Variants in SV2C observed in about 807,000 individuals in gnomAD.
The protein encoded by SV2C is solute carrier family 22 member B3.
Under a neutral mutation model 79.7 loss-of-function variants are expected in SV2C, and 49 were observed. The observed-to-expected ratio is 0.61, with a 90% CI of 0.49 to 0.78. The LOEUF (loss-of-function observed/expected upper bound fraction) is 0.78, where lower values mean the gene tolerates loss of function less well. SV2C is among the 30% of genes least tolerant of loss of function. The pLI is 0.00. For missense variants in SV2C, 833 were observed against 912.9 expected, an observed-to-expected ratio of 0.91 and a Z score of 1.13; for synonymous variants, 334 against 333.2, an observed-to-expected ratio of 1.00 and a Z score of -0.03.
chr5:75,983,598 T>TAAA, the SV2C span, among the ~76,000 whole-genome samples: 1 of 144,244 alleles, frequency 6.9e-6, no homozygotes, highest in African/African-American at 2.6e-5. Context: ...GGGCCAGCTT[T>TAAA]AAAAAAAAAA....
At chr5:75,903,514 C>T in the SV2C span, among the ~76,000 whole-genome samples, 34 of 152,198 alleles carry the variant, frequency 2.2e-4, no homozygotes, top group African/African-American at 6.3e-4. Flanking sequence ...CCAGCCATCC[C>T]GAACTTTTCT....
At chr5:76,037,907 A>AGGACCC in the SV2C span, among the ~76,000 whole-genome samples, 2 of 152,234 alleles carry the variant, frequency 1.3e-5, no homozygotes, top group Non-Finnish European at 2.9e-5. Flanking sequence ...CCGTGGGCAT[A>AGGACCC]GGACCCTCCA....
rs1435286437 is a variant in SV2C, at chr5:76,326,796, G to C, written c.*1249G>C. The C allele has an allele frequency of 6.6e-6, 1 of 152,220 alleles. No individual in the cohort carries two copies. The highest frequency in any genetic ancestry group is 1.5e-5 in the Non-Finnish European group (1 of 68,104). The allele number at this position is 152,220 out of a possible 1,614,324, so 9.4% of individuals were successfully genotyped here. A position where few individuals can be genotyped will look rare whatever the true frequency, so the allele number is the denominator to read the frequency against. ...CTCATTTTACCTCTGGAATCTGCCT[G>C]GGCTTGGAAGAAAGAGGTCAGCCAG... On this transcript the variant is annotated 3_prime_UTR_variant, in exon 13 of 13. Coordinates refer to ENST00000502798, the MANE Select transcript of SV2C (RefSeq NM_014979.4).
At chr5:76,123,390 A>C (rs922565109) in intron 1 of SV2C, among the ~76,000 whole-genome samples, 2 of 152,258 alleles carry the variant, frequency 1.3e-5, no homozygotes, top group African/African-American at 4.8e-5. Flanking sequence ...GGCCAGCATC[A>C]TCCTGATACC....
At chr5:75,974,577 T>C in the SV2C span, among the ~76,000 whole-genome samples, 1 of 151,718 alleles carries the variant, frequency 6.6e-6, no homozygotes, top group Non-Finnish European at 1.5e-5. Context: ...TTTTACCTGA[T>C]TGATTTGTAG....
At chr5:76,030,266 GTTT>G in the SV2C span, among the ~76,000 whole-genome samples, 1 of 31,954 alleles carries the variant, frequency 3.1e-5, no homozygotes, top group Admixed American at 3.6e-4. Flanking sequence ...TCAGAGGCTT[GTTT>G]TTTTTTTTTT....
intron 4 of SV2C, among the ~76,000 whole-genome samples, chr5:76,255,852 G>T (rs1000825594): frequency 1.3e-5 from 2 of 152,116 alleles, no homozygotes; most frequent in African/African-American, 4.8e-5. Context: ...AGTTCTTCCT[G>T]CCTCTTCCTT....
At chr5:76,186,334 A>T (rs1451475469) in intron 2 of SV2C, among the ~76,000 whole-genome samples, 4 of 152,146 alleles carry the variant, frequency 2.6e-5, no homozygotes. Context: ...CCCAGTACCA[A>T]TTTAGTGTAT....
At chr5:76,031,724 G>T in the SV2C span, among the ~76,000 whole-genome samples, 62 of 152,242 alleles carry the variant, frequency 4.1e-4, no homozygotes, top group African/African-American at 1.4e-3. Context: ...TTTATTAAAG[G>T]ACAGAGTGAT....
intron 4 of SV2C, among the ~76,000 whole-genome samples, chr5:76,272,777 T>C (rs557246141): frequency 1.3e-5 from 2 of 152,324 alleles, no homozygotes; most frequent in South Asian, 4.1e-4. Context: ...CTACCCAATG[T>C]AAGAATTGCC....
At chr5:76,075,786 G>A in the SV2C span, 1 of 268,140 alleles carries the variant, frequency 3.7e-6, no homozygotes, top group East Asian at 1.1e-4. Flanking sequence ...AAAGGAAACT[G>A]GAAGTGTCAT....
chr5:76,107,861 AC>A (rs758138738), intron 1 of SV2C, among the ~76,000 whole-genome samples: 182 of 152,308 alleles, frequency 1.2e-3, no homozygotes, highest in Admixed American at 2.3e-3. Flanking sequence ...TCAAAAAAAA[AC>A]AAAAGCAAGT....
the SV2C span, among the ~76,000 whole-genome samples, chr5:75,895,978 A>G: frequency 6.6e-6 from 1 of 152,080 alleles, no homozygotes; most frequent in African/African-American, 2.4e-5. Context: ...TTTGCACTAT[A>G]TACACACATA....
intron 4 of SV2C, among the ~76,000 whole-genome samples, chr5:76,211,982 T>C (rs1744780913): frequency 6.6e-6 from 1 of 152,140 alleles, no homozygotes; most frequent in Admixed American, 6.5e-5. Flanking sequence ...GCTCAAGTGG[T>C]GGGTTTTTCA....
chr5:76,070,250 T>A, the SV2C span, among the ~76,000 whole-genome samples: 2 of 152,324 alleles, frequency 1.3e-5, no homozygotes, highest in South Asian at 4.1e-4. Context: ...TCTTTCCATT[T>A]GCTCCTTTTA....
At chr5:76,032,860 C>T in the SV2C span, among the ~76,000 whole-genome samples, 180 of 152,330 alleles carry the variant, frequency 1.2e-3, 2 homozygotes, top group Admixed American at 0.01. Context: ...TACAGTCCCA[C>T]CAACAGTATA....
chr5:76,041,309 C>T, the SV2C span, among the ~76,000 whole-genome samples: 1 of 152,222 alleles, frequency 6.6e-6, no homozygotes, highest in South Asian at 2.1e-4. Flanking sequence ...TCAGCTCCTT[C>T]TCTTCTCACC....
At chr5:76,048,994 A>AGAAAGAAAGAAAG in the SV2C span, among the ~76,000 whole-genome samples, 1 of 96,084 alleles carries the variant, frequency 1.0e-5, no homozygotes, top group Non-Finnish European at 2.2e-5. Context: ...AAAGAAAGAA[A>AGAAAGAAAGAAAG]GAAAGAAAGA....
At chr5:76,282,956 G>A (rs1415934620) in intron 4 of SV2C, among the ~76,000 whole-genome samples, 1 of 152,176 alleles carries the variant, frequency 6.6e-6, no homozygotes. Flanking sequence ...AGATTACAGT[G>A]AGCCGAGATC....
Sources: gnomAD v4.1 joint callset for allele counts (sites outside exome capture counted in the v4.1 genomes callset) on GRCh38, gnomAD v4.1.1 for gene constraint, MANE v1.5 for transcripts, NCBI Gene and HGNC (gene_info 2026-07-23, HGNC 2026-07-21) for gene names.